LGALS8: variants seen among roughly 807,000 people sequenced by gnomAD.
The protein encoded by LGALS8 is galectin 8.
Under a neutral mutation model 35.9 loss-of-function variants are expected in LGALS8, and 30 were observed. That is an observed-to-expected ratio of 0.83 (90% CI 0.62 to 1.13). The LOEUF is 1.13. Among genes scored for constraint, LGALS8 ranks in the 50% most tolerant of loss-of-function variants. LGALS8 has a pLI of 0.00. For synonymous variants in LGALS8, 138 were observed against 136.1 expected, an observed-to-expected ratio of 1.01 and a Z score of -0.10; for missense variants, 366 against 388.7, an observed-to-expected ratio of 0.94 and a Z score of 0.49.
chr1:236,537,692 A>G (rs1036140652), intron 3 of LGALS8, 107 bp downstream of exon 3: 26 of 791,032 alleles, frequency 3.3e-5, no homozygotes, highest in African/African-American at 5.1e-5. Context: ...TTGAGGCCCA[A>G]TTAGCTTTCA....
intron 2 of LGALS8, among the ~76,000 whole-genome samples, chr1:236,530,486 T>C (rs1392405024): frequency 2.6e-5 from 4 of 152,220 alleles, no homozygotes; most frequent in Admixed American, 1.3e-4. Context: ...TTAATGTCTC[T>C]TTCTTTTATG....
intron 2 of LGALS8, among the ~76,000 whole-genome samples, chr1:236,535,796 T>G (rs1661454930): frequency 6.6e-6 from 1 of 152,242 alleles, no homozygotes; most frequent in Non-Finnish European, 1.5e-5. Context: ...CTTCCGTAAT[T>G]TCTCATCTTA....
intron 8 of LGALS8, among the ~76,000 whole-genome samples, chr1:236,544,025 A>G (rs1558167443): frequency 6.6e-6 from 1 of 151,644 alleles, no homozygotes; most frequent in Non-Finnish European, 1.5e-5. Flanking sequence ...GCACACCACA[A>G]CCTCCGCTTC....
At chr1:236,524,096 G>A (rs1376592237) in intron 1 of LGALS8, 35 bp downstream of exon 1, 1 of 456,216 alleles carries the variant, frequency 2.2e-6, no homozygotes, top group Non-Finnish European at 4.4e-6. Flanking sequence ...GGGTGGCGGG[G>A]CAGTCGCTAG....
intron 9 of LGALS8, 105 bp from the exon 10 acceptor site, chr1:236,547,907 T>C: frequency 9.8e-7 from 1 of 1,020,198 alleles, no homozygotes; most frequent in Non-Finnish European, 1.5e-6. Context: ...GGCTGGAACT[T>C]TTCTATGTAT....
At chr1:236,547,539 T>C (rs1331018956) in intron 9 of LGALS8, among the ~76,000 whole-genome samples, 1 of 117,338 alleles carries the variant, frequency 8.5e-6, no homozygotes, top group African/African-American at 2.9e-5. Context: ...TTCATGGTCC[T>C]AGAGTTTGAG....
rs766576633 is a variant in LGALS8 at position 236,540,611 on chromosome 1, C to T, written c.393C>T (p.Gly131=). The T allele has an allele frequency of 5.6e-6, 9 of 1,609,906 alleles. No homozygotes were observed. In the Admixed American group the frequency reaches 8.4e-5, roughly 15 times the overall value. Residue 131 remains glycine (G), a synonymous_variant, in exon 5 of 10, where the codon GGC becomes GGT. Transcript: ENST00000366584. ...KHTLLYGHRI[G]PEKIDTLGIY... is the part of the protein sequence containing the mutation. ...CTCTGCTCTATGGCCACAGGATCGG[C>T]CCAGAGAAAATAGACACTCTGGGCA...
chr1:236,544,717 T>C (rs1388213279), intron 8 of LGALS8, 33 bp from the exon 9 acceptor site: 1 of 1,489,602 alleles, frequency 6.7e-7, no homozygotes. Flanking sequence ...ACTTGGTTAA[T>C]TAAGGTTTTT....
At chr1:236,535,839 G>C (rs1179442423) in intron 2 of LGALS8, among the ~76,000 whole-genome samples, 2 of 152,260 alleles carry the variant, frequency 1.3e-5, no homozygotes, top group Non-Finnish European at 2.9e-5. Context: ...TGTGGGCTCA[G>C]CTTGCGGTTC....
intron 2 of LGALS8, among the ~76,000 whole-genome samples, chr1:236,532,019 C>T (rs1661176736): frequency 6.6e-6 from 1 of 152,188 alleles, no homozygotes; most frequent in South Asian, 2.1e-4. Flanking sequence ...GAAATGTGGA[C>T]TGCCAGGGAA....
upstream of LGALS8, among the ~76,000 whole-genome samples, chr1:236,522,682 T>C (rs1660588867): frequency 6.6e-6 from 1 of 152,238 alleles, no homozygotes; most frequent in Non-Finnish European, 1.5e-5. Context: ...GGAGACTGTA[T>C]AAGACAAGTT....
At chr1:236,540,027 C>T (rs1025625255) in intron 4 of LGALS8, 9 of 152,296 alleles carry the variant, frequency 5.9e-5, no homozygotes, top group African/African-American at 1.7e-4. Context: ...ACTTTCTCGT[C>T]ATCTTACTGT....
intron 2 of LGALS8, among the ~76,000 whole-genome samples, chr1:236,537,269 C>T (rs762010550): frequency 3.3e-5 from 5 of 152,206 alleles, no homozygotes; most frequent in South Asian, 2.1e-4. Context: ...CCCGCCTCGG[C>T]CTCCCAAAGT....
At chr1:236,525,858 A>G (rs1366909804) in intron 1 of LGALS8, 110 bp from the exon 2 acceptor site, 9 of 407,874 alleles carry the variant, frequency 2.2e-5, no homozygotes, top group Non-Finnish European at 3.9e-5. Context: ...ATAATATTCT[A>G]TTATTTGGTA....
At chr1:236,530,241 T>A (rs1661073418) in intron 2 of LGALS8, among the ~76,000 whole-genome samples, 1 of 152,236 alleles carries the variant, frequency 6.6e-6, no homozygotes, top group Admixed American at 6.5e-5. Flanking sequence ...TCCATGTTTA[T>A]CCTTTTCTGC....
At position 236,550,488 on chromosome 1, in the gene LGALS8, AG is replaced by A. The variant is rs1438860711; in HGVS notation, c.*2328del. On this transcript the variant is annotated 3_prime_UTR_variant, in exon 10 of 10. Coordinates refer to ENST00000366584, the MANE Select transcript of LGALS8 (RefSeq NM_201544.4). ...AAATAACTTCATTTTCTTGAAATAG[AG>A]CAACTTTGAGTGAAATCTGCAACAT... 1 of 158,600 alleles carries A rather than the reference AG, an allele frequency of 6.3e-6. No individual in the cohort carries two copies. The highest frequency in any genetic ancestry group is 2.4e-5 in the African/African-American group (1 of 41,696). 9.8% of individuals were successfully genotyped at this position (158,600 alleles called of 1,614,324 possible). A position where few individuals can be genotyped will look rare whatever the true frequency, so the allele number is the denominator to read the frequency against.
intron 4 of LGALS8, 35 bp downstream of exon 4, chr1:236,539,124 T>A: frequency 6.4e-7 from 1 of 1,554,790 alleles, no homozygotes; most frequent in Non-Finnish European, 8.9e-7. Flanking sequence ...GAGTCCTCAT[T>A]AGTGAGCAGG....
rs764322538 is a variant in LGALS8 at position 236,537,483 on chromosome 1, A to AC, written c.46-14_46-13insC. 2.0e-6 allele frequency: 3 copies of AC among 1,522,916 alleles called. No homozygotes were observed. The South Asian group carries it at 3.3e-5, about 17-fold the overall frequency. 94.3% of individuals were successfully genotyped at this position (1,522,916 alleles called of 1,614,324 possible). A position where few individuals can be genotyped will look rare whatever the true frequency, so the allele number is the denominator to read the frequency against. On this transcript the variant is annotated splice_polypyrimidine_tract_variant and intron_variant, in intron 2 of 9. Transcript: ENST00000366584. ...GTTTATGTAAACGTACATTTGTTAA[A>AC]TTTTTTTTCTTAGGTAATCCCGTTT...
rs757760557 is a variant in LGALS8, at chr1:236,540,664, T to C, written c.446T>C (p.Ile149Thr). 9.9e-6 allele frequency: 16 copies of C among 1,610,748 alleles called. No individual in the cohort carries two copies. Among genetic ancestry groups the C allele is most frequent in the Middle Eastern group, 1.7e-4 (1 of 6,050 alleles). ...GIYGKVNIHS[I>T]GFSFSSDLQS... is the part of the protein sequence containing the mutation. ...TATGGCAAAGTGAATATTCACTCAA[T>C]TGGTTTTAGCTTCAGCTCGGTGAGT... Residue 149 changes from isoleucine to threonine, a missense_variant, in exon 5 of 10, where the codon ATT becomes ACT. Ile to Thr is a moderately conservative substitution (Grantham distance 89). Coordinates refer to ENST00000366584, the MANE Select transcript of LGALS8 (RefSeq NM_201544.4).
Sources: gnomAD v4.1 joint callset for allele counts (sites outside exome capture counted in the v4.1 genomes callset) on GRCh38, gnomAD v4.1.1 for gene constraint, MANE v1.5 for transcripts, NCBI Gene and HGNC (gene_info 2026-07-23, HGNC 2026-07-21) for gene names.